ACOXL: variants seen among roughly 807,000 people sequenced by gnomAD.
The protein encoded by ACOXL is acyl-CoA oxidase like.
A neutral mutation model predicts 71.9 loss-of-function variants in ACOXL; 70 were observed. That is an observed-to-expected ratio of 0.97 (90% CI 0.80 to 1.19). The LOEUF (loss-of-function observed/expected upper bound fraction) is 1.19. ACOXL is among the 50% of genes most tolerant of loss of function. The pLI is 0.00. For missense variants in ACOXL, 703 were observed against 736.3 expected, an observed-to-expected ratio of 0.95 and a Z score of 0.52; for synonymous variants, 253 against 281.6, an observed-to-expected ratio of 0.90 and a Z score of 1.02.
At chr2:111,070,948 G>C (rs1248813523) in intron 16 of ACOXL, among the ~76,000 whole-genome samples, 1 of 152,218 alleles carries the variant, frequency 6.6e-6, no homozygotes, top group African/African-American at 2.4e-5. Context: ...CTCAGGAAGA[G>C]AAATAGTCAC....
chr2:110,875,908 A>G (rs1157837803), intron 10 of ACOXL, among the ~76,000 whole-genome samples: 1 of 152,124 alleles, frequency 6.6e-6, no homozygotes, highest in Non-Finnish European at 1.5e-5. Flanking sequence ...GCTCAAGGAC[A>G]TGCAGGAAAG....
chr2:110,945,274 T>G (rs1362745714), intron 12 of ACOXL, among the ~76,000 whole-genome samples: 2 of 152,188 alleles, frequency 1.3e-5, no homozygotes, highest in East Asian at 3.8e-4. Flanking sequence ...AAATATTTTC[T>G]CCCATTCTGT....
chr2:110,954,652 T>G (rs995037215), intron 12 of ACOXL, among the ~76,000 whole-genome samples: 1 of 152,236 alleles, frequency 6.6e-6, no homozygotes, highest in Non-Finnish European at 1.5e-5. Flanking sequence ...ACTGCTCCAG[T>G]ACTGTGTTTT....
At chr2:111,047,209 A>C (rs2066058671) in intron 15 of ACOXL, among the ~76,000 whole-genome samples, 1 of 152,218 alleles carries the variant, frequency 6.6e-6, no homozygotes, top group Admixed American at 6.5e-5. Flanking sequence ...TACAGAGTTC[A>C]AGGTAACTTG....
At position 110,986,862 on chromosome 2, in the gene ACOXL, A is replaced by G. The variant is rs558918494; in HGVS notation, c.1060-246A>G. On this transcript the variant is annotated intron_variant, in intron 12 of 17. Coordinates refer to ENST00000439055, the MANE Select transcript of ACOXL (RefSeq NM_001142807.4). ...CAGGACCAGTGTTAGAGACTGATACAGGCAAGAAGGGAGAGCAAGCAATAA... is the reference window on the plus strand; with the variant it reads ...CAGGACCAGTGTTAGAGACTGATACGGGCAAGAAGGGAGAGCAAGCAATAA... Among the ~76,000 whole-genome samples, 8 of 152,308 alleles carry G rather than the reference A, an allele frequency of 5.3e-5. No individual in the cohort carries two copies. The South Asian group carries it at 1.7e-3, about 32-fold the overall frequency.
chr2:111,092,235 T>G (rs2068563254), intron 16 of ACOXL, among the ~76,000 whole-genome samples: 1 of 152,192 alleles, frequency 6.6e-6, no homozygotes, highest in Admixed American at 6.5e-5. Context: ...TGCGTGATTT[T>G]GAAATTATTG....
intron 12 of ACOXL, among the ~76,000 whole-genome samples, chr2:110,957,997 G>A (rs998502130): frequency 1.1e-4 from 17 of 149,496 alleles, no homozygotes; most frequent in Admixed American, 6.7e-4. Context: ...TTGCAGTGAG[G>A]CAAGATCACG....
intron 9 of ACOXL, among the ~76,000 whole-genome samples, chr2:110,814,360 T>C (rs912057407): frequency 6.6e-6 from 1 of 152,146 alleles, no homozygotes; most frequent in Non-Finnish European, 1.5e-5. Context: ...AGCCTTTTCA[T>C]TGATGACTTT....
At chr2:110,927,291 A>G (rs975773868) in intron 11 of ACOXL, among the ~76,000 whole-genome samples, 3 of 152,096 alleles carry the variant, frequency 2.0e-5, no homozygotes, top group African/African-American at 4.8e-5. Context: ...GGGAATTACA[A>G]TTCAATTCAA....
chr2:111,007,588 C>G (rs141240961), intron 14 of ACOXL, among the ~76,000 whole-genome samples: 1 of 152,282 alleles, frequency 6.6e-6, no homozygotes, highest in African/African-American at 2.4e-5. Flanking sequence ...TGCCTCTATC[C>G]TTTTTTGAGT....
Position 110,750,033 on chromosome 2 carries a change from G to A in ACOXL, c.-23+17259G>A, listed in dbSNP as rs144408517. ...GGAAGAATATCCTGAGCATCACATC[G>A]TATTAGTGAGTACATTCCATCGACA... On this transcript the variant is annotated intron_variant, in intron 1 of 17. Coordinates refer to ENST00000439055, the MANE Select transcript of ACOXL (RefSeq NM_001142807.4). Among the ~76,000 whole-genome samples, 18 of 152,280 alleles carry A rather than the reference G, an allele frequency of 1.2e-4. No individual in the cohort carries two copies. The East Asian group carries it at 2.9e-3, about 24-fold the overall frequency.
chr2:110,784,164 G>A (rs1683663367), intron 2 of ACOXL, among the ~76,000 whole-genome samples: 1 of 152,126 alleles, frequency 6.6e-6, no homozygotes, highest in African/African-American at 2.4e-5. Flanking sequence ...GCGCATGCCT[G>A]TAGTCCCAGC....
intron 17 of ACOXL, among the ~76,000 whole-genome samples, chr2:111,111,515 A>C (rs2069961208): frequency 6.6e-6 from 1 of 152,232 alleles, no homozygotes; most frequent in Admixed American, 6.5e-5. Flanking sequence ...TACTATGAGC[A>C]GCATTGTGGT....
intron 16 of ACOXL, among the ~76,000 whole-genome samples, chr2:111,086,493 A>T (rs2068214249): frequency 6.6e-6 from 1 of 151,998 alleles, no homozygotes; most frequent in Non-Finnish European, 1.5e-5. Context: ...TGCAGATGAA[A>T]TTCGATAGAT....
chr2:111,002,529 C>A (rs1224912514), intron 14 of ACOXL, among the ~76,000 whole-genome samples: 1 of 152,122 alleles, frequency 6.6e-6, no homozygotes, highest in Admixed American at 6.5e-5. Context: ...TGGACAATGT[C>A]ATAATGAATA....
intron 10 of ACOXL, among the ~76,000 whole-genome samples, chr2:110,889,743 A>G (rs530982463): frequency 6.6e-6 from 1 of 152,260 alleles, no homozygotes; most frequent in East Asian, 1.9e-4. Flanking sequence ...CCATTCATCA[A>G]CTGATGGACA....
chr2:111,021,845 C>A (rs2064775573), intron 14 of ACOXL, among the ~76,000 whole-genome samples: 1 of 151,752 alleles, frequency 6.6e-6, no homozygotes, highest in South Asian at 2.1e-4. Flanking sequence ...AAAACGAGAT[C>A]TGTTTCTGGG....
At chr2:110,886,840 T>TG in intron 10 of ACOXL, 1 of 1,551,018 alleles carries the variant, frequency 6.4e-7, no homozygotes, top group African/African-American at 1.4e-5. Context: ...TGAGCCCCTC[T>TG]TGTGGACCAG....
chr2:110,812,117 G>A (rs754483881), intron 9 of ACOXL, among the ~76,000 whole-genome samples: 19 of 152,108 alleles, frequency 1.2e-4, no homozygotes, highest in Non-Finnish European at 2.8e-4. Flanking sequence ...GTAATTGTTG[G>A]ACTCAAGACC....
Sources: allele counts gnomAD v4.1 joint callset (sites outside exome capture counted in the v4.1 genomes callset), GRCh38; gene constraint gnomAD v4.1.1; transcripts MANE v1.5; gene names NCBI Gene and HGNC (gene_info 2026-07-23, HGNC 2026-07-21).